GNG2: variants seen among roughly 807,000 people sequenced by gnomAD.
GNG2 encodes the protein G protein subunit gamma 2.
In GNG2, 5 loss-of-function variants were observed where a neutral mutation model predicts 5.5. The observed-to-expected ratio is 0.91, with a 90% CI of 0.48 to 1.92. The LOEUF is 1.92. Ranked by LOEUF, GNG2 falls within the 30% of genes most tolerant of loss-of-function variation. The pLI, the probability that GNG2 is intolerant of heterozygous loss-of-function variation, is 0.01. For synonymous variants in GNG2, 28 were observed against 32.0 expected, an observed-to-expected ratio of 0.88 and a Z score of 0.42; for missense variants, 55 against 88.4, an observed-to-expected ratio of 0.62 and a Z score of 1.52.
chr14:51,837,169 T>C (rs1381022170), intron 2 of GNG2, among the ~76,000 whole-genome samples: 1 of 152,030 alleles, frequency 6.6e-6, no homozygotes, highest in East Asian at 1.9e-4. Context: ...TGATCTCAAC[T>C]TAACGTTGAT....
chr14:51,948,246 A>G (rs893460090), intron 2 of GNG2, among the ~76,000 whole-genome samples: 51 of 152,228 alleles, frequency 3.4e-4, no homozygotes, highest in African/African-American at 1.1e-3. Context: ...TGTGGTCTCC[A>G]CTAAGAAAAA....
chr14:51,869,039 G>C (rs1253914416), intron 1 of GNG2, among the ~76,000 whole-genome samples: 2 of 152,086 alleles, frequency 1.3e-5, no homozygotes, highest in African/African-American at 4.8e-5. Flanking sequence ...CCTGTTTTGG[G>C]GAACCAGGGA....
At chr14:51,910,165 A>G (rs145069863) in intron 2 of GNG2, among the ~76,000 whole-genome samples, 2 of 152,344 alleles carry the variant, frequency 1.3e-5, no homozygotes, top group Non-Finnish European at 2.9e-5. Context: ...AACTGTATTT[A>G]TGTCTAGAAA....
At chr14:51,864,175 GT>G (rs1218335008) in intron 1 of GNG2, among the ~76,000 whole-genome samples, 10 of 152,174 alleles carry the variant, frequency 6.6e-5, no homozygotes, top group African/African-American at 1.9e-4. Context: ...TATTTATTTT[GT>G]TTTTTATTTA....
intron 2 of GNG2, among the ~76,000 whole-genome samples, chr14:51,926,092 T>C (rs1192910135): frequency 4.0e-5 from 6 of 151,844 alleles, no homozygotes; most frequent in Non-Finnish European, 5.9e-5. Flanking sequence ...TCTAGAGACA[T>C]TGAGACGGTA....
upstream of GNG2, among the ~76,000 whole-genome samples, chr14:51,855,751 G>T (rs1005105134): frequency 6.6e-6 from 1 of 152,114 alleles, no homozygotes; most frequent in Non-Finnish European, 1.5e-5. Flanking sequence ...GCACTCAAGG[G>T]CTGGCTTTGC....
intron 1 of GNG2, among the ~76,000 whole-genome samples, chr14:51,866,994 T>C (rs181655482): frequency 8.5e-5 from 13 of 152,334 alleles, no homozygotes; most frequent in African/African-American, 2.9e-4. Context: ...AATAATTCTG[T>C]CTTTCCTACA....
chr14:51,954,239 A>G (rs144838093), intron 3 of GNG2, among the ~76,000 whole-genome samples: 7 of 152,326 alleles, frequency 4.6e-5, no homozygotes, highest in Non-Finnish European at 1.0e-4. Flanking sequence ...TATATAAATT[A>G]TACTCTCAGC....
intron 2 of GNG2, among the ~76,000 whole-genome samples, chr14:51,948,984 G>GGTGGCGGGCACCTGTA (rs1888807134): frequency 6.6e-6 from 1 of 152,046 alleles, no homozygotes; most frequent in South Asian, 2.1e-4. Flanking sequence ...AGCCAGGTGT[G>GGTGGCGGGCACCTGTA]GTGGCGGGCA....
chr14:51,846,643 G>T (rs1167399810), intron 2 of GNG2, among the ~76,000 whole-genome samples: 1 of 152,130 alleles, frequency 6.6e-6, no homozygotes, highest in Non-Finnish European at 1.5e-5. Context: ...GGTTTCCTTG[G>T]TGGAACGCAG....
At chr14:51,910,349 T>C (rs1248656142) in intron 2 of GNG2, among the ~76,000 whole-genome samples, 2 of 152,018 alleles carry the variant, frequency 1.3e-5, no homozygotes, top group Non-Finnish European at 2.9e-5. Flanking sequence ...AAAAGGCCAA[T>C]GTGGTCAGAG....
At chr14:51,886,233 A>T (rs1338248337) in intron 2 of GNG2, among the ~76,000 whole-genome samples, 1 of 152,196 alleles carries the variant, frequency 6.6e-6, no homozygotes, top group Non-Finnish European at 1.5e-5. Flanking sequence ...CACATTTTAA[A>T]ATCTGTGTAA....
intron 2 of GNG2, among the ~76,000 whole-genome samples, chr14:51,907,648 T>C (rs900545610): frequency 1.3e-5 from 2 of 152,220 alleles, no homozygotes; most frequent in Admixed American, 6.5e-5. Context: ...TGTAACAATT[T>C]GATTGGGTCA....
At chr14:51,872,632 C>T (rs536866565) in intron 1 of GNG2, among the ~76,000 whole-genome samples, 151 of 152,248 alleles carry the variant, frequency 9.9e-4, no homozygotes, top group Middle Eastern at 6.8e-3. Flanking sequence ...GAGAAGATAA[C>T]GCGCTGAGCC....
intron 3 of GNG2, among the ~76,000 whole-genome samples, chr14:51,957,594 A>G (rs1339456738): frequency 2.0e-5 from 3 of 152,180 alleles, no homozygotes; most frequent in East Asian, 3.9e-4. Context: ...ACATTCTTCT[A>G]CATACTCATA....
chr14:51,854,849 T>G (rs956193031), intron 2 of GNG2, among the ~76,000 whole-genome samples: 3 of 152,174 alleles, frequency 2.0e-5, no homozygotes, highest in Non-Finnish European at 4.4e-5. Context: ...CGGCTCTGGC[T>G]ATGCCTCCCT....
chr14:51,889,823 C>T (rs1380246639), intron 2 of GNG2, among the ~76,000 whole-genome samples: 1 of 152,114 alleles, frequency 6.6e-6, no homozygotes, highest in Non-Finnish European at 1.5e-5. Context: ...ATAATAAAGG[C>T]CCTGTAGCTA....
chr14:51,863,983 C>CA lies in GNG2; in HGVS notation c.-71+3196dup, dbSNP rs553997606. ...TAATACTGCTATGAACACGGGTGTACAAATATCTGTTAGAGTCCCTGCTTT... is the reference window on the plus strand; with the variant it reads ...TAATACTGCTATGAACACGGGTGTACAAAATATCTGTTAGAGTCCCTGCTTT... On this transcript the variant is annotated intron_variant, in intron 1 of 3. Coordinates refer to ENST00000556766, the MANE Select transcript of GNG2 (RefSeq NM_053064.5). Among the ~76,000 whole-genome samples the CA allele has an allele frequency of 4.4e-4, 67 of 152,246 alleles. 2 individuals are homozygous for CA. The South Asian group carries it at 0.013, about 30-fold the overall frequency.
chr14:51,887,838 C>T (rs1884572642), intron 2 of GNG2, among the ~76,000 whole-genome samples: 1 of 152,128 alleles, frequency 6.6e-6, no homozygotes, highest in Admixed American at 6.5e-5. Context: ...CAGTGTTTTC[C>T]ACACAGTAGT....
Sources: gnomAD v4.1 joint callset for allele counts (sites outside exome capture counted in the v4.1 genomes callset) on GRCh38, gnomAD v4.1.1 for gene constraint, MANE v1.5 for transcripts, NCBI Gene and HGNC (gene_info 2026-07-23, HGNC 2026-07-21) for gene names.